Variants in ANLN observed in about 807,000 individuals in gnomAD.
The protein encoded by ANLN is anillin, actin binding protein.
In ANLN, 59 loss-of-function variants were observed where a neutral mutation model predicts 135.1. The ratio of observed to expected loss-of-function variants is 0.44; its 90% CI spans 0.35 to 0.54. ANLN has a LOEUF of 0.54. Among genes scored for constraint, ANLN ranks in the 20% least tolerant of loss-of-function variants. ANLN has a pLI of 0.00. For synonymous variants in ANLN, 406 were observed against 456.4 expected, an observed-to-expected ratio of 0.89 and a Z score of 1.41; for missense variants, 1,182 against 1,340.0, an observed-to-expected ratio of 0.88 and a Z score of 1.84.
In ANLN at chr7:36,389,890, G is replaced by C. The variant is rs564351574; in HGVS notation, c.-137G>C. On this transcript the variant is annotated 5_prime_UTR_variant, in exon 1 of 24. Transcript: ENST00000265748. ...TCCGTCACTGGAAGCCGAGAGGAGA[G>C]GACAGCTGGTTGTGGGAGAGTTCCC... 3.3e-6 allele frequency: 5 copies of C among 1,503,600 alleles called. No individual in the cohort carries two copies. The highest frequency in any genetic ancestry group is 4.6e-6 in the Non-Finnish European group (5 of 1,088,932). 93.1% of individuals were successfully genotyped at this position (1,503,600 alleles called of 1,614,324 possible). A position where few individuals can be genotyped will look rare whatever the true frequency, so the allele number is the denominator to read the frequency against.
chr7:36,415,646 G>A lies in ANLN; in HGVS notation c.1396-112G>A, dbSNP rs866678174. ...ACATACACTATCTCTTTGGTTCTAA[G>A]GAAACTTATACAGAATAATATTTAA... On this transcript the variant is annotated intron_variant, in intron 7 of 23. Transcript: ENST00000265748. 6.5e-5 allele frequency: 79 copies of A among 1,223,962 alleles called. No homozygotes were observed. In the African/African-American group the frequency reaches 1.2e-3, roughly 18 times the overall value. The allele number at this position is 1,223,962 out of a possible 1,614,324, so 75.8% of individuals were successfully genotyped here.
At chr7:36,413,716 C>T (rs563544736) in intron 7 of ANLN, among the ~76,000 whole-genome samples, 4 of 152,058 alleles carry the variant, frequency 2.6e-5, no homozygotes, top group Non-Finnish European at 5.9e-5. Flanking sequence ...AGGGGCTCGG[C>T]GTGGTGGCTC....
chr7:36,390,807 C>T (rs1362918809), intron 1 of ANLN, among the ~76,000 whole-genome samples: 11 of 150,832 alleles, frequency 7.3e-5, no homozygotes, highest in African/African-American at 2.2e-4. Flanking sequence ...GTCGATTTCT[C>T]TAGTTTTAGC....
intron 20 of ANLN, among the ~76,000 whole-genome samples, chr7:36,430,142 CT>C (rs1430941067): frequency 6.6e-6 from 1 of 152,138 alleles, no homozygotes; most frequent in Non-Finnish European, 1.5e-5. Flanking sequence ...AATTTAAGGC[CT>C]TCTACACTCA....
At chr7:36,407,377 A>G (rs2116580549) in intron 4 of ANLN, among the ~76,000 whole-genome samples, 1 of 152,308 alleles carries the variant, frequency 6.6e-6, no homozygotes, top group East Asian at 1.9e-4. Context: ...ATTTTTATTG[A>G]CTTAATTAAA....
intron 22 of ANLN, among the ~76,000 whole-genome samples, chr7:36,447,238 C>T (rs1044966262): frequency 2.6e-5 from 4 of 152,070 alleles, no homozygotes; most frequent in African/African-American, 9.7e-5. Flanking sequence ...TACTGTAGAT[C>T]TTGACAACCT....
At chr7:36,404,080 C>T (rs1282984784) in intron 3 of ANLN, among the ~76,000 whole-genome samples, 1 of 152,180 alleles carries the variant, frequency 6.6e-6, no homozygotes, top group African/African-American at 2.4e-5. Flanking sequence ...AAGCTATTCC[C>T]CTGCCTCAGC....
At position 36,407,762 on chromosome 7, in the gene ANLN, C is replaced by T. The variant is rs1186898164; in HGVS notation, c.902C>T (p.Thr301Ile). 1.2e-6 allele frequency: 2 copies of T among 1,613,278 alleles called. No individual in the cohort carries two copies. Among genetic ancestry groups the T allele is most frequent in the African/African-American group, 1.3e-5 (1 of 74,880 alleles). Residue 301 changes from threonine to isoleucine, a missense_variant, in exon 5 of 24, where the codon ACA becomes ATA. Transcript: ENST00000265748. Reference sequence around the variant, plus strand: ...GCTACTTCTCCAGTGAAATCTACTACATCTATCACTGATGCTAAAAGTTGT... The same window carrying T: ...GCTACTTCTCCAGTGAAATCTACTATATCTATCACTGATGCTAAAAGTTGT... ...VKATSPVKST[T>I]SITDAKSCEG...
In ANLN at chr7:36,406,248, A is replaced by G. The variant is rs557429446; in HGVS notation, c.555A>G (p.Arg185=). Residue 185 remains arginine (R), a synonymous_variant, in exon 4 of 24, where the codon AGA becomes AGG. Transcript: ENST00000265748. ...AGGAAAAGGCTGCTTCCCCTCCCAG[A>G]CCTCTGCTTTCAAATGCCTCGGCAA... ...PSEEKAASPP[R]PLLSNASATP... 3 of 1,613,736 alleles carry G rather than the reference A, an allele frequency of 1.9e-6. No individual in the cohort carries two copies. The African/African-American group carries it at 4.0e-5, about 22-fold the overall frequency.
At chr7:36,430,802 C>A (rs538735830) in intron 20 of ANLN, among the ~76,000 whole-genome samples, 2 of 152,214 alleles carry the variant, frequency 1.3e-5, no homozygotes, top group South Asian at 4.2e-4. Context: ...TACACAGTCT[C>A]CCTGGTTGTA....
At chr7:36,447,851 A>G (rs978528928) in intron 22 of ANLN, among the ~76,000 whole-genome samples, 6 of 152,108 alleles carry the variant, frequency 3.9e-5, no homozygotes, top group African/African-American at 1.4e-4. Flanking sequence ...TTTTTCAACT[A>G]TGGTGGACTG....
chr7:36,439,440 T>A, intron 21 of ANLN, 150 bp downstream of exon 21: 2 of 578,206 alleles, frequency 3.5e-6, no homozygotes, highest in Non-Finnish European at 6.1e-6. Flanking sequence ...ATCACTGTGC[T>A]GCCATTGGAA....
At chr7:36,423,680 G>C (rs1787969311) in intron 14 of ANLN, 137 bp from the exon 15 acceptor site, 2 of 834,360 alleles carry the variant, frequency 2.4e-6, no homozygotes, top group African/African-American at 3.5e-5. Context: ...TGTCTGGAAA[G>C]TTGATTTTAG....
intron 7 of ANLN, among the ~76,000 whole-genome samples, chr7:36,412,322 TATA>T (rs1192727832): frequency 8.6e-5 from 10 of 115,838 alleles, no homozygotes; most frequent in Admixed American, 3.7e-4. Context: ...TATATATATA[TATA>T]TATTTTTTTT....
intron 20 of ANLN, 84 bp downstream of exon 20, chr7:36,427,112 T>C: frequency 1.2e-6 from 1 of 832,850 alleles, no homozygotes; most frequent in Non-Finnish European, 1.9e-6. Flanking sequence ...ACAATGCTTT[T>C]AGGTATTTGA....
intron 12 of ANLN, 122 bp downstream of exon 12, chr7:36,420,866 G>T (rs545413275): frequency 1.7e-5 from 15 of 872,258 alleles, no homozygotes; most frequent in Admixed American, 2.5e-5. Flanking sequence ...AGTGTCTGAT[G>T]CATAGAAGCT....
rs781297907 is a variant in ANLN, at chr7:36,443,809, C to G, written c.3025C>G (p.Leu1009Val). 1.9e-6 allele frequency: 3 copies of G among 1,612,796 alleles called. No individual in the cohort carries two copies. The South Asian group carries it at 3.3e-5, about 18-fold the overall frequency. ...TGCCTGGCATCGAAGATGGTGTGTT[C>G]TTTCTGGAAACTGTATATCTTATTG... ...FGAWHRRWCV[L>V]SGNCISYWTY... The change falls in exon 22 of 24, where the codon CTT becomes GTT. Residue 1009 changes from leucine (L) to valine (V), a missense_variant. By Grantham distance (32) the Leu-to-Val change is conservative. Coordinates refer to ENST00000265748, the MANE Select transcript of ANLN (RefSeq NM_018685.5).
chr7:36,451,197 G>A (rs972984088), intron 23 of ANLN, among the ~76,000 whole-genome samples: 1 of 152,162 alleles, frequency 6.6e-6, no homozygotes, highest in African/African-American at 2.4e-5. Flanking sequence ...TTTCCTTACG[G>A]GGCCTTGGGC....
At chr7:36,405,316 T>A (rs1275648508) in intron 3 of ANLN, among the ~76,000 whole-genome samples, 1 of 152,230 alleles carries the variant, frequency 6.6e-6, no homozygotes, top group African/African-American at 2.4e-5. Flanking sequence ...ATGATGCATT[T>A]CTCAGAATGT....
Sources: allele counts gnomAD v4.1 joint callset (sites outside exome capture counted in the v4.1 genomes callset), GRCh38; gene constraint gnomAD v4.1.1; transcripts MANE v1.5; gene names NCBI Gene and HGNC (gene_info 2026-07-23, HGNC 2026-07-21).